The following THSD7A variants were observed in gnomAD, a reference collection of about 807,000 sequenced individuals.
THSD7A encodes the protein thrombospondin type-1 domain-containing protein 7A.
A neutral mutation model predicts 231.3 loss-of-function variants in THSD7A; 96 were observed. The observed-to-expected ratio is 0.41, with a 90% confidence interval of 0.35 to 0.49. THSD7A has a LOEUF of 0.49. Among genes scored for constraint, THSD7A ranks in the 20% least tolerant of loss-of-function variants. The pLI is 0.05. For synonymous variants in THSD7A, 940 were observed against 743.3 expected (o/e 1.26, Z -4.30); for missense variants, 2,290 against 2,070.2 (o/e 1.11, Z -2.06).
At position 11,474,409 on chromosome 7, in the gene THSD7A, G is replaced by C. The variant is rs1786060598; in HGVS notation, c.2177C>G (p.Ala726Gly). The C allele has an allele frequency of 6.2e-7, 1 of 1,613,498 alleles. No individual in the cohort carries two copies. The highest frequency in any genetic ancestry group is 1.3e-5 in the African/African-American group (1 of 74,882). Residue 726 changes from alanine (A) to glycine (G), a missense_variant, in exon 8 of 28, where the codon GCC becomes GGC. Transcript: ENST00000423059. The surrounding 1 kb of genome is among the most constrained non-coding windows in gnomAD (Gnocchi z 4.1). ...FNTTTTWNGEASCSVGMQTRK... is the reference protein window; with the variant it reads ...FNTTTTWNGEGSCSVGMQTRK... The stretch of plus-strand genomic sequence containing the variant: ...TGTCTGCATGCCGACAGAGCAGGAG[G>C]CCTCCCCATTCCAAGTCGTAGTTGT...
At chr7:11,739,696 T>A (rs2128160288) in intron 1 of THSD7A, among the ~76,000 whole-genome samples, 1 of 151,990 alleles carries the variant, frequency 6.6e-6, no homozygotes, top group African/African-American at 2.4e-5. Context: ...AGATTATAGA[T>A]AGGCATGAAC....
At position 11,406,188 on chromosome 7, in the gene THSD7A, T is replaced by C. The variant is rs1783574957; in HGVS notation, c.4237+112A>G. On this transcript the variant is annotated intron_variant, in intron 22 of 27. Transcript: ENST00000423059. This position sits in a 1 kb window ranked among gnomAD's most constrained non-coding sequence, Gnocchi z 4.7. ...GTTGAGCTGTTGGCATAGATATTAC[T>C]GAATAAGAAGACTGTTGACATCCTG... is the stretch of plus-strand genomic sequence containing the variant. The C allele has an allele frequency of 2.7e-6, 3 of 1,103,330 alleles. No homozygotes were observed. The highest frequency in any genetic ancestry group is 1.3e-6 in the Non-Finnish European group (1 of 774,966). The allele number at this position is 1,103,330 out of a possible 1,614,324, so 68.3% of individuals were successfully genotyped here.
Position 11,447,356 on chromosome 7 carries a change from C to T in THSD7A, c.2674G>A (p.Val892Met). ...TGGCAGGCCTGGGTAAGGGCTGGCA[C>T]AGGGCCTGCATACTGTAGGCACTCA... is the stretch of plus-strand genomic sequence containing the variant. ...IHECLQYAGP[V>M]PALTQACQIP... Residue 892 changes from valine (V) to methionine (M), a missense_variant, in exon 12 of 28, where the codon GTG becomes ATG. Coordinates refer to ENST00000423059, the MANE Select transcript of THSD7A (RefSeq NM_015204.3). 2.5e-6 allele frequency: 4 copies of T among 1,612,268 alleles called. No homozygotes were observed. Among genetic ancestry groups the T allele is most frequent in the Non-Finnish European group, 3.4e-6 (4 of 1,179,122 alleles).
chr7:11,594,908 G>A (rs1344642462), intron 2 of THSD7A, among the ~76,000 whole-genome samples: 1 of 152,160 alleles, frequency 6.6e-6, no homozygotes, highest in Non-Finnish European at 1.5e-5. Flanking sequence ...AAAAGAATGG[G>A]ACCCTGCAAC....
intron 1 of THSD7A, chr7:11,751,292 A>G (rs549563384): frequency 2.0e-5 from 3 of 148,366 alleles, no homozygotes; most frequent in Non-Finnish European, 4.6e-5. Context: ...TGGCTTTTCT[A>G]TTAGGGGAGG....
At chr7:11,778,557 G>T (rs1436546363) in intron 1 of THSD7A, among the ~76,000 whole-genome samples, 2 of 152,136 alleles carry the variant, frequency 1.3e-5, no homozygotes, top group Non-Finnish European at 2.9e-5. Flanking sequence ...CGAGGAAGAA[G>T]AGAAGAATAA....
chr7:11,569,630 A>G (rs1455496684), intron 4 of THSD7A, among the ~76,000 whole-genome samples: 2 of 152,226 alleles, frequency 1.3e-5, no homozygotes, highest in Admixed American at 1.3e-4. Context: ...TCAAAAAATT[A>G]CAAACAACTA....
At chr7:11,633,583 GC>G (rs1781731875) in intron 2 of THSD7A, among the ~76,000 whole-genome samples, 1 of 152,128 alleles carries the variant, frequency 6.6e-6, no homozygotes, top group Non-Finnish European at 1.5e-5. Context: ...AACACATAAT[GC>G]CCTTCTAAGT....
chr7:11,724,315 CAGCCAAGCCAGGGT>C (rs1781470759), intron 1 of THSD7A, among the ~76,000 whole-genome samples: 1 of 151,896 alleles, frequency 6.6e-6, no homozygotes, highest in Non-Finnish European at 1.5e-5. Flanking sequence ...AGTCTTCCTG[CAGCCAAGCCAGGGT>C]AGCTCCATTT....
intron 1 of THSD7A, among the ~76,000 whole-genome samples, chr7:11,719,250 T>C (rs1467164716): frequency 6.6e-6 from 1 of 151,180 alleles, no homozygotes; most frequent in African/African-American, 2.4e-5. Context: ...CTGTCTCATA[T>C]GGTCTCTGTT....
chr7:11,467,366 T>A (rs1785752997), intron 9 of THSD7A, among the ~76,000 whole-genome samples: 1 of 152,214 alleles, frequency 6.6e-6, no homozygotes, highest in Non-Finnish European at 1.5e-5. Flanking sequence ...TTACATTATC[T>A]GGGCTGTGCA....
intron 1 of THSD7A, among the ~76,000 whole-genome samples, chr7:11,730,329 T>C (rs1450260041): frequency 6.6e-6 from 1 of 151,792 alleles, no homozygotes; most frequent in Middle Eastern, 3.4e-3. Flanking sequence ...ATTTCTCTTC[T>C]ATAAAGCAAA....
intron 4 of THSD7A, among the ~76,000 whole-genome samples, chr7:11,566,971 G>T (rs1233164618): frequency 8.3e-6 from 1 of 121,200 alleles, no homozygotes; most frequent in South Asian, 3.3e-4. Context: ...AGAGTGGGGG[G>T]GGGACTGACC....
chr7:11,425,827 T>C (rs540205861), intron 15 of THSD7A, among the ~76,000 whole-genome samples: 1 of 152,104 alleles, frequency 6.6e-6, no homozygotes, highest in East Asian at 1.9e-4. Flanking sequence ...TAGCTTTTTA[T>C]GTAATGAATT....
rs149285078 is a variant in THSD7A, at chr7:11,678,433, AAT to A, written c.191-41474_191-41473del. ...CTGGTTTTTTTGAAAAGATTAACAA[AAT>A]AGATAGACCGCTAGCCTGAGAAATA... On this transcript the variant is annotated intron_variant, in intron 1 of 27. Transcript: ENST00000423059. Among the ~76,000 whole-genome samples the A allele has an allele frequency of 6.8e-4, 103 of 152,296 alleles. 1 individual carries two copies. The East Asian group carries it at 0.018, about 26-fold the overall frequency.
intron 22 of THSD7A, 83 bp from the exon 23 acceptor site, chr7:11,402,051 G>A (rs1783424450): frequency 8.5e-7 from 1 of 1,177,918 alleles, no homozygotes; most frequent in Non-Finnish European, 1.2e-6. Flanking sequence ...AACCCCAGTA[G>A]GCAATGTTTC....
At chr7:11,638,660 G>C (rs910962406) in intron 1 of THSD7A, among the ~76,000 whole-genome samples, 11 of 151,918 alleles carry the variant, frequency 7.2e-5, no homozygotes, top group African/African-American at 2.7e-4. Context: ...AAATTATAAG[G>C]GATGTAAAAT....
intron 4 of THSD7A, among the ~76,000 whole-genome samples, chr7:11,581,548 G>A (rs994248079): frequency 6.9e-6 from 1 of 145,472 alleles, no homozygotes; most frequent in African/African-American, 2.5e-5. Context: ...AAATACTCAT[G>A]AATTTTCACA....
At chr7:11,746,610 T>G (rs1204295890) in intron 1 of THSD7A, among the ~76,000 whole-genome samples, 1 of 151,930 alleles carries the variant, frequency 6.6e-6, no homozygotes, top group Non-Finnish European at 1.5e-5. Context: ...ACTGGTTTTG[T>G]GAACAGGTAC....
Sources: allele counts gnomAD v4.1 joint callset (sites outside exome capture counted in the v4.1 genomes callset), GRCh38; gene constraint gnomAD v4.1.1; non-coding constraint Gnocchi (gnomAD v3.1); transcripts MANE v1.5; gene names NCBI Gene and HGNC (gene_info 2026-07-23, HGNC 2026-07-21).